LZTS3: variants seen among roughly 807,000 people sequenced by gnomAD.
LZTS3 encodes the protein leucine zipper putative tumor suppressor 3.
LZTS3 carries 16 observed loss-of-function variants against 50.9 expected under a neutral mutation model. The ratio of observed to expected loss-of-function variants is 0.31; its 90% CI spans 0.21 to 0.48. The LOEUF (loss-of-function observed/expected upper bound fraction) is 0.48, where lower values mean the gene tolerates loss of function less well. Ranked by LOEUF, LZTS3 falls within the 20% of genes least tolerant of loss-of-function variation. The probability of loss-of-function intolerance (pLI) is 0.99; values close to 1 mark genes in which losing one functional copy is unlikely to be tolerated. For synonymous variants in LZTS3, 408 were observed against 410.6 expected (o/e 0.99, Z 0.08); for missense variants, 816 against 931.0 (o/e 0.88, Z 1.61).
In LZTS3 at chr20:3,163,358, C is replaced by CT. The variant is rs2066758829; in HGVS notation, c.*1095dup. The CT allele has an allele frequency of 6.5e-6, 1 of 153,380 alleles. No homozygotes were observed. The highest frequency in any genetic ancestry group is 2.4e-5 in the African/African-American group (1 of 41,466). The allele number at this position is 153,380 out of a possible 1,614,324, so 9.5% of individuals were successfully genotyped here. On this transcript the variant is annotated 3_prime_UTR_variant, in exon 5 of 5. Coordinates refer to ENST00000337576, the MANE Select transcript of LZTS3 (RefSeq NM_001365618.1). This position sits in a 1 kb window ranked among gnomAD's most constrained non-coding sequence, Gnocchi z 5.2. ...TCTTCAAGGGCAATCACATCCAACTCTCCCCCCGCCCCCAAAACAAGGGCC... is the reference window on the plus strand; with the variant it reads ...TCTTCAAGGGCAATCACATCCAACTCTTCCCCCCGCCCCCAAAACAAGGGCC...
At position 3,167,944 on chromosome 20, in the gene LZTS3, G is replaced by A; in HGVS notation, c.-225C>T. 5.0e-6 allele frequency: 4 copies of A among 806,274 alleles called. No homozygotes were observed. Among genetic ancestry groups the A allele is most frequent in the Non-Finnish European group, 6.0e-6 (4 of 666,310 alleles). 49.9% of individuals were successfully genotyped at this position (806,274 alleles called of 1,614,324 possible). ...TTGGAGGGGCCGACTGAGCCATCCC[G>A]GACTGCAGTTTTCTCCTCTGCGAAA... On this transcript the variant is annotated 5_prime_UTR_variant, in exon 2 of 5. Transcript: ENST00000337576.
rs1412203180 is a variant in LZTS3, at chr20:3,168,983, A to C, written c.-242-1022T>G. On this transcript the variant is annotated intron_variant, in intron 1 of 4. Coordinates refer to ENST00000337576, the MANE Select transcript of LZTS3 (RefSeq NM_001365618.1). ...AGAGCTCTAGGTTGTTGGAAAGTTC[A>C]CTACCAAGCCTGTCCACTGTCTCTG... Among the ~76,000 whole-genome samples the C allele has an allele frequency of 2.0e-5, 3 of 152,148 alleles. No homozygotes were observed. In the East Asian group the frequency reaches 5.8e-4, roughly 29 times the overall value.
In LZTS3 at chr20:3,164,719, G is replaced by C. The variant is rs2122162293; in HGVS notation, c.1757C>G (p.Ala586Gly). 2 of 1,567,004 alleles carry C rather than the reference G, an allele frequency of 1.3e-6. No homozygotes were observed. Among genetic ancestry groups the C allele is most frequent in the Non-Finnish European group, 1.7e-6 (2 of 1,158,492 alleles). Reference protein sequence around the residue: ...EVGRLQAELAAERRARERQGA... With the variant: ...EVGRLQAELAGERRARERQGA... ...CTGGCGCTCCCGGGCCCGCCGCTCA[G>C]CCGCCAGCTCGGCCTGCAGCCGCCC... Residue 586 changes from alanine (A) to glycine (G), a missense_variant, in exon 5 of 5, where the codon GCT becomes GGT. Ala to Gly is a moderately conservative substitution (Grantham distance 60). Transcript: ENST00000337576.
rs555801323 is a variant in LZTS3 at position 3,164,392 on chromosome 20, G to C, written c.*62C>G. On this transcript the variant is annotated 3_prime_UTR_variant, in exon 5 of 5. Coordinates refer to ENST00000337576, the MANE Select transcript of LZTS3 (RefSeq NM_001365618.1). ...ATGGGGAAGAGAGATGGAGGGGAGG[G>C]GACACTGGGGACTCTGGCCTTTTGA... The C allele has an allele frequency of 6.8e-7, 1 of 1,460,656 alleles. No individual in the cohort carries two copies. Among genetic ancestry groups the C allele is most frequent in the Non-Finnish European group, 9.1e-7 (1 of 1,096,250 alleles). The allele number at this position is 1,460,656 out of a possible 1,614,324, so 90.5% of individuals were successfully genotyped here. A position where few individuals can be genotyped will look rare whatever the true frequency, so the allele number is the denominator to read the frequency against.
chr20:3,164,426 G>T lies in LZTS3; in HGVS notation c.*28C>A. On this transcript the variant is annotated 3_prime_UTR_variant, in exon 5 of 5. Coordinates refer to ENST00000337576, the MANE Select transcript of LZTS3 (RefSeq NM_001365618.1). ...GGACTCTGGCCTTTTGACAGGACAT[G>T]TGTCAAAATGCCGAGTGCCCAGGTC... 4 of 1,501,838 alleles carry T rather than the reference G, an allele frequency of 2.7e-6. No homozygotes were observed. Among genetic ancestry groups the T allele is most frequent in the Non-Finnish European group, 3.6e-6 (4 of 1,123,980 alleles). The allele number at this position is 1,501,838 out of a possible 1,614,324, so 93.0% of individuals were successfully genotyped here. A position where few individuals can be genotyped will look rare whatever the true frequency, so the allele number is the denominator to read the frequency against.
chr20:3,173,214 G>A (rs1351299339), intron 1 of LZTS3, among the ~76,000 whole-genome samples: 2 of 152,256 alleles, frequency 1.3e-5, no homozygotes, highest in South Asian at 2.1e-4. Context: ...GGGGGGCGGG[G>A]CGCAGAGGGA....
In LZTS3 at chr20:3,162,783, T is replaced by C. The variant is rs1274350715; in HGVS notation, c.*1671A>G. 1 of 152,492 alleles carries C rather than the reference T, an allele frequency of 6.6e-6. No homozygotes were observed. The highest frequency in any genetic ancestry group is 2.4e-5 in the African/African-American group (1 of 41,458). The allele number at this position is 152,492 out of a possible 1,614,324, so 9.4% of individuals were successfully genotyped here. Reference sequence around the variant, plus strand: ...TTCATATTTTTTTCTATTTTTTTCTTACTAATGCCTTCTCTTCTCCCTGCC... The same window carrying C: ...TTCATATTTTTTTCTATTTTTTTCTCACTAATGCCTTCTCTTCTCCCTGCC... On this transcript the variant is annotated 3_prime_UTR_variant, in exon 5 of 5. Coordinates refer to ENST00000337576, the MANE Select transcript of LZTS3 (RefSeq NM_001365618.1). The surrounding 1 kb of genome is among the most constrained non-coding windows in gnomAD (Gnocchi z 5.0).
At position 3,165,190 on chromosome 20, in the gene LZTS3, G is replaced by A; in HGVS notation, c.1324-38C>T. 1 of 1,471,090 alleles carries A rather than the reference G, an allele frequency of 6.8e-7. No individual in the cohort carries two copies. Among genetic ancestry groups the A allele is most frequent in the African/African-American group, 1.4e-5 (1 of 72,086 alleles). The allele number at this position is 1,471,090 out of a possible 1,614,324, so 91.1% of individuals were successfully genotyped here. ...AGGTGAGAGGAGAAGCCAGGTAAAG[G>A]CAGAGCTCTGCTCACCCCAACCCAG... On this transcript the variant is annotated intron_variant, in intron 4 of 4. Transcript: ENST00000337576. This position sits in a 1 kb window ranked among gnomAD's most constrained non-coding sequence, Gnocchi z 5.0.
rs951995489 is a variant in LZTS3, at chr20:3,167,773, C to T, written c.-54G>A. 1.0e-6 allele frequency: 1 copy of T among 985,464 alleles called. No homozygotes were observed. The highest frequency in any genetic ancestry group is 1.7e-5 in the African/African-American group (1 of 57,248). The allele number at this position is 985,464 out of a possible 1,614,324, so 61.0% of individuals were successfully genotyped here. A position where few individuals can be genotyped will look rare whatever the true frequency, so the allele number is the denominator to read the frequency against. ...CAGTCAGGGCAGAAGTGGAAGCTCACTACCAGCGCAGGCTTCTCTCCTTGC... is the reference window on the plus strand; with the variant it reads ...CAGTCAGGGCAGAAGTGGAAGCTCATTACCAGCGCAGGCTTCTCTCCTTGC... On this transcript the variant is annotated 5_prime_UTR_variant, in exon 2 of 5. The change creates a new upstream start codon in the 5' untranslated region. Transcript: ENST00000337576.
In LZTS3 at chr20:3,165,416, G is replaced by A. The variant is rs2066798074; in HGVS notation, c.1323+81C>T. On this transcript the variant is annotated intron_variant, in intron 4 of 4. Coordinates refer to ENST00000337576, the MANE Select transcript of LZTS3 (RefSeq NM_001365618.1). This position sits in a 1 kb window ranked among gnomAD's most constrained non-coding sequence, Gnocchi z 5.0. Reference sequence around the variant, plus strand: ...ATCCCCCCCCCCATCCCACCGTTATGATAGTGAGGGGCAACTGCTCTGGGG... The same window carrying A: ...ATCCCCCCCCCCATCCCACCGTTATAATAGTGAGGGGCAACTGCTCTGGGG... 1.7e-6 allele frequency: 2 copies of A among 1,184,316 alleles called. No homozygotes were observed. The highest frequency in any genetic ancestry group is 2.3e-6 in the Non-Finnish European group (2 of 872,270). The allele number at this position is 1,184,316 out of a possible 1,614,324, so 73.4% of individuals were successfully genotyped here. A position where few individuals can be genotyped will look rare whatever the true frequency, so the allele number is the denominator to read the frequency against.
At chr20:3,169,079 CCCGT>C (rs78649924) in intron 1 of LZTS3, among the ~76,000 whole-genome samples, 45,312 of 151,814 alleles carry the variant, frequency 0.3, 6,967 homozygotes, top group Admixed American at 0.4. Context: ...CTCCCTTGGA[CCCGT>C]CTGTCCCCAT....
In LZTS3 at chr20:3,164,572, C is replaced by A. The variant is rs770639326; in HGVS notation, c.1904G>T (p.Arg635Leu). 25 of 1,610,508 alleles carry A rather than the reference C, an allele frequency of 1.6e-5. No individual in the cohort carries two copies. Among genetic ancestry groups the A allele is most frequent in the Non-Finnish European group, 1.8e-5 (21 of 1,178,506 alleles). Reference protein sequence around the residue: ...EMYQRNQQLERRLRERGAAGG... With the variant: ...EMYQRNQQLELRLRERGAAGG... ...TGCGGCCCCGCGCTCCCGCAGCCTG[C>A]GCTCCAGCTGCTGGTTGCGCTGGTA... The change falls in exon 5 of 5, where the codon CGC becomes CTC. Residue 635 changes from arginine (R) to leucine (L), a missense_variant. Physicochemically the swap from Arg to Leu is moderately radical, Grantham distance 102. Around this residue, in one of 3 missense-constraint regions of LZTS3, gnomAD observed 107 missense variants for 130.4 expected, o/e 0.82. Coordinates refer to ENST00000337576, the MANE Select transcript of LZTS3 (RefSeq NM_001365618.1).
Position 3,166,834 on chromosome 20 carries a change from A to G in LZTS3, c.330T>C (p.Asp110=), listed in dbSNP as rs1353053432. The G allele has an allele frequency of 3.7e-6, 6 of 1,613,836 alleles. No individual in the cohort carries two copies. The highest frequency in any genetic ancestry group is 5.1e-6 in the Non-Finnish European group (6 of 1,179,994). The change falls in exon 3 of 5, where the codon GAT becomes GAC. Residue 110 remains aspartate, a synonymous_variant. Coordinates refer to ENST00000337576, the MANE Select transcript of LZTS3 (RefSeq NM_001365618.1). The part of the protein sequence containing the change: ...NGELRGSDHT[D]VCGNVVGSSG... ...TGCTGCCAACCACGTTGCCACAGACATCGGTGTGGTCACTGCCCCGCAGCT... is the reference window on the plus strand; with the variant it reads ...TGCTGCCAACCACGTTGCCACAGACGTCGGTGTGGTCACTGCCCCGCAGCT...
At chr20:3,166,540 C>G (rs568398788) in intron 3 of LZTS3, among the ~76,000 whole-genome samples, 165 bp downstream of exon 3, 1 of 152,254 alleles carries the variant, frequency 6.6e-6, no homozygotes, top group South Asian at 2.1e-4. Flanking sequence ...TGTCCTTGAT[C>G]TACCCGCTAG....
At position 3,164,798 on chromosome 20, in the gene LZTS3, C is replaced by T. The variant is rs1242755229; in HGVS notation, c.1678G>A (p.Gly560Arg). ...CTCTCCCCGCCAGCCTCCGCCTCCC[C>T]GTCCACGGAAACCAAGGAGGCGGCA... ...AAAASLVSVD[G>R]EAEAGGESGT... The change falls in exon 5 of 5, where the codon GGG becomes AGG. Residue 560 changes from glycine (G) to arginine (R), a missense_variant. Around this residue, in one of 3 missense-constraint regions of LZTS3, gnomAD observed 700 missense variants for 769.4 expected, o/e 0.91. Transcript: ENST00000337576. 7.8e-6 allele frequency: 12 copies of T among 1,534,882 alleles called. No individual in the cohort carries two copies. Among genetic ancestry groups the T allele is most frequent in the Admixed American group, 2.0e-5 (1 of 50,386 alleles).
chr20:3,164,358 A>T lies in LZTS3; in HGVS notation c.*96T>A. On this transcript the variant is annotated 3_prime_UTR_variant, in exon 5 of 5. Transcript: ENST00000337576. ...TAGAGAACCTCTTTGGTCTGGGGTTATGGGGTCTATGGGGAAGAGAGATGG... is the reference window on the plus strand; with the variant it reads ...TAGAGAACCTCTTTGGTCTGGGGTTTTGGGGTCTATGGGGAAGAGAGATGG... 1 of 1,321,252 alleles carries T rather than the reference A, an allele frequency of 7.6e-7. No individual in the cohort carries two copies. Among genetic ancestry groups the T allele is most frequent in the Non-Finnish European group, 1.0e-6 (1 of 983,584 alleles). The allele number at this position is 1,321,252 out of a possible 1,614,324, so 81.8% of individuals were successfully genotyped here.
Position 3,167,194 on chromosome 20 carries a change from G to A in LZTS3, c.-18-13C>T. On this transcript the variant is annotated splice_polypyrimidine_tract_variant and intron_variant, in intron 2 of 4. Coordinates refer to ENST00000337576, the MANE Select transcript of LZTS3 (RefSeq NM_001365618.1). ...AGCCAGGGGGGCACTGTGGGCACAGGTGGGAAGGCAGAGATAGGTAAGACC... is the reference window on the plus strand; with the variant it reads ...AGCCAGGGGGGCACTGTGGGCACAGATGGGAAGGCAGAGATAGGTAAGACC... 1 of 1,444,886 alleles carries A rather than the reference G, an allele frequency of 6.9e-7. No homozygotes were observed. Among genetic ancestry groups the A allele is most frequent in the Non-Finnish European group, 9.1e-7 (1 of 1,103,698 alleles). The allele number at this position is 1,444,886 out of a possible 1,614,324, so 89.5% of individuals were successfully genotyped here.
Position 3,164,927 on chromosome 20 carries a change from G to A in LZTS3, c.1549C>T (p.Leu517Phe). The stretch of plus-strand genomic sequence containing the variant: ...TCCACGGGGGTCAGCGCCGGCTTGA[G>A]GCAGGCGGCAGGCAGCTCGCCTTCG... Reference protein sequence around the residue: ...LGEGELPAACLKPALTPVDPA... With the variant: ...LGEGELPAACFKPALTPVDPA... Residue 517 changes from leucine to phenylalanine, a missense_variant, in exon 5 of 5, where the codon CTC becomes TTC. Physicochemically the swap from Leu to Phe is conservative, Grantham distance 22 (BLOSUM62 0). Transcript: ENST00000337576. The A allele has an allele frequency of 1.9e-6, 3 of 1,548,034 alleles. No individual in the cohort carries two copies. The highest frequency in any genetic ancestry group is 2.6e-6 in the Non-Finnish European group (3 of 1,152,990).
Position 3,165,399 on chromosome 20 carries a change from CCCCAT to C in LZTS3, c.1323+93_1323+97del. On this transcript the variant is annotated intron_variant, in intron 4 of 4. Transcript: ENST00000337576. The surrounding 1 kb of genome is among the most constrained non-coding windows in gnomAD (Gnocchi z 5.0). ...TCCCCCCTGCTCCTTTCATCCCCCC[CCCCAT>C]CCCACCGTTATGATAGTGAGGGGCA... is the stretch of plus-strand genomic sequence containing the variant. 7.9e-7 allele frequency: 1 copy of C among 1,270,632 alleles called. No homozygotes were observed. The highest frequency in any genetic ancestry group is 1.1e-6 in the Non-Finnish European group (1 of 948,666). The allele number at this position is 1,270,632 out of a possible 1,614,324, so 78.7% of individuals were successfully genotyped here.
Sources: gnomAD v4.1 joint callset for allele counts (sites outside exome capture counted in the v4.1 genomes callset) on GRCh38, gnomAD v4.1.1 for gene constraint, gnomAD v4.1.1 regional missense constraint, Gnocchi (gnomAD v3.1) non-coding constraint, MANE v1.5 for transcripts, NCBI Gene and HGNC (gene_info 2026-07-23, HGNC 2026-07-21) for gene names.